ALG9: variants seen among roughly 807,000 people sequenced by gnomAD.
ALG9 encodes ALG9 alpha-1,2-mannosyltransferase, also known as alpha-1,2-mannosyltransferase ALG9.
ALG9 carries 55 observed loss-of-function variants against 81.8 expected under a neutral mutation model. The observed-to-expected ratio is 0.67, with a 90% CI of 0.54 to 0.84. The LOEUF is 0.84. Ranked by LOEUF, ALG9 falls within the 40% of genes least tolerant of loss-of-function variation. The pLI is 0.00. For missense variants in ALG9, 629 were observed against 745.0 expected (o/e 0.84, Z 1.81); for synonymous variants, 278 against 274.3 (o/e 1.01, Z -0.13).
At chr11:111,820,637 C>T (rs1435516347) in intron 13 of ALG9, among the ~76,000 whole-genome samples, 1 of 152,178 alleles carries the variant, frequency 6.6e-6, no homozygotes, top group Non-Finnish European at 1.5e-5. Context: ...AACTCAAATT[C>T]CCAATTGGTA....
chr11:111,787,951 C>T (rs1555066732), intron 14 of ALG9, among the ~76,000 whole-genome samples: 5 of 152,028 alleles, frequency 3.3e-5, no homozygotes, highest in Non-Finnish European at 7.4e-5. Context: ...TACTCTTAAC[C>T]ATTATGGTTT....
At chr11:111,809,908 T>A in intron 13 of ALG9, 135 bp from the exon 14 acceptor site, 2 of 985,634 alleles carry the variant, frequency 2.0e-6, no homozygotes, top group Non-Finnish European at 3.2e-6. Context: ...ATGTTGCCTA[T>A]GCTCTCTCCA....
intron 13 of ALG9, among the ~76,000 whole-genome samples, chr11:111,813,889 T>G (rs782741350): frequency 6.6e-6 from 1 of 152,246 alleles, no homozygotes; most frequent in Non-Finnish European, 1.5e-5. Flanking sequence ...TTTAGAAAAC[T>G]ATTTGGCAAA....
intron 13 of ALG9, among the ~76,000 whole-genome samples, chr11:111,816,475 TA>T: frequency 6.6e-6 from 1 of 152,274 alleles, no homozygotes; most frequent in Non-Finnish European, 1.5e-5. Flanking sequence ...GTCTTGAACT[TA>T]CGGCCTCAAG....
chr11:111,850,198 A>G (rs1218622599), intron 8 of ALG9, among the ~76,000 whole-genome samples: 5 of 152,188 alleles, frequency 3.3e-5, no homozygotes, highest in African/African-American at 1.2e-4. Context: ...ATCTCAAGCT[A>G]GCACCACAAC....
intron 12 of ALG9, chr11:111,836,581 T>C: frequency 5.1e-6 from 2 of 394,894 alleles, no homozygotes; most frequent in South Asian, 2.2e-5. Context: ...CCAATGCTTA[T>C]TGTCAATTAC....
intron 9 of ALG9, among the ~76,000 whole-genome samples, chr11:111,842,815 G>C (rs1555125216): frequency 3.3e-5 from 5 of 152,132 alleles, no homozygotes; most frequent in African/African-American, 1.2e-4. Context: ...AGGTAGATAT[G>C]TGCATACATT....
At position 111,786,295 on chromosome 11, in the gene ALG9, A is replaced by C. The variant is rs540183457; in HGVS notation, c.*102T>G. On this transcript the variant is annotated 3_prime_UTR_variant, in exon 15 of 15. Transcript: ENST00000616540. ...CCCAGATTCCAGTATTCATGTCAGA[A>C]GACCTTTATTACAAATGTTACAGGC... 1 of 1,557,940 alleles carries C rather than the reference A, an allele frequency of 6.4e-7. No individual in the cohort carries two copies. The highest frequency in any genetic ancestry group is 1.1e-5 in the South Asian group (1 of 89,268).
rs535811443 is a variant in ALG9, at chr11:111,820,003, C to A, written c.1603-10230G>T. ...GAATTTCTTCCCTTAGCTTCTAGCC[C>A]CTGGAGGACAATCTATTTCCTCCAT... On this transcript the variant is annotated intron_variant, in intron 13 of 14. Transcript: ENST00000616540. Among the ~76,000 whole-genome samples the A allele has an allele frequency of 3.9e-5, 6 of 152,306 alleles. No homozygotes were observed. In the South Asian group the frequency reaches 1.0e-3, roughly 26 times the overall value.
intron 13 of ALG9, among the ~76,000 whole-genome samples, chr11:111,813,157 GC>G (rs1950988527): frequency 6.6e-6 from 1 of 151,972 alleles, no homozygotes; most frequent in Non-Finnish European, 1.5e-5. Context: ...AGATGAATAG[GC>G]CTAAAAATGA....
At chr11:111,852,287 G>A (rs570371885) in intron 8 of ALG9, among the ~76,000 whole-genome samples, 8 of 152,258 alleles carry the variant, frequency 5.3e-5, no homozygotes, top group South Asian at 4.1e-4. Flanking sequence ...TGCCTCTCTC[G>A]TGAAATGTTT....
rs117195434 is a variant in ALG9, at chr11:111,824,927, T to C, written c.1602+11238A>G. 4.2e-3 allele frequency among the ~76,000 whole-genome samples: 641 copies of C among 152,320 alleles called. 2 individuals are homozygous for C. The highest frequency in any genetic ancestry group is 7.2e-3 in the Non-Finnish European group (488 of 68,016). ...AGAATTCGGAAACATCTGTGTGAAA[T>C]AGACCTATCATAGCTAAAAGAAAAG... On this transcript the variant is annotated intron_variant, in intron 13 of 14. Coordinates refer to ENST00000616540, the MANE Select transcript of ALG9 (RefSeq NM_024740.2).
chr11:111,865,098 A>G, intron 4 of ALG9, 83 bp downstream of exon 4: 2 of 1,149,884 alleles, frequency 1.7e-6, no homozygotes, highest in Non-Finnish European at 2.4e-6. Flanking sequence ...ATTTCTAATC[A>G]CTGCCTAGAC....
rs552298702 is a variant in ALG9, at chr11:111,861,345, G to C, written c.477-710C>G. Among the ~76,000 whole-genome samples the C allele has an allele frequency of 3.9e-5, 6 of 152,312 alleles. No homozygotes were observed. The South Asian group carries it at 1.2e-3, about 32-fold the overall frequency. ...AGCTCAGATTCCTTACTGCATTTCA[G>C]AGCTTCTTTCTGAAATAATTTTGCT... On this transcript the variant is annotated intron_variant, in intron 4 of 14. Transcript: ENST00000616540.
intron 2 of ALG9, 130 bp downstream of exon 2, chr11:111,870,102 G>GA: frequency 2.1e-6 from 2 of 949,712 alleles, no homozygotes; most frequent in Non-Finnish European, 2.8e-6. Context: ...CTGTTTTTTT[G>GA]TTTTTTTTTT....
chr11:111,787,748 G>A (rs1437185270), intron 14 of ALG9, among the ~76,000 whole-genome samples: 7 of 151,702 alleles, frequency 4.6e-5, no homozygotes, highest in African/African-American at 7.3e-5. Flanking sequence ...GTGAGCCACC[G>A]CACCTGGCAA....
chr11:111,779,888 A>G (rs1555056365), downstream of ALG9, among the ~76,000 whole-genome samples: 1 of 152,184 alleles, frequency 6.6e-6, no homozygotes. Flanking sequence ...CCTTGTCACT[A>G]CAATTCCATA....
chr11:111,870,270 T>C lies in ALG9; in HGVS notation c.232A>G (p.Ile78Val). The C allele has an allele frequency of 6.2e-7, 1 of 1,611,520 alleles. No individual in the cohort carries two copies. Among genetic ancestry groups the C allele is most frequent in the Non-Finnish European group, 8.5e-7 (1 of 1,179,280 alleles). The part of the protein sequence containing the change: ...ARLCAALLSN[I>V]SDCDETFNYW... ...TTGAATGTTTCATCACAGTCAGAGATGTTGCTCAGGAGAGCAGCACATAAC... is the reference window on the plus strand; with the variant it reads ...TTGAATGTTTCATCACAGTCAGAGACGTTGCTCAGGAGAGCAGCACATAAC... The change falls in exon 2 of 15, where the codon ATC (isoleucine) becomes GTC (valine). Residue 78 changes from isoleucine (I) to valine (V), a missense_variant. By Grantham distance (29) the Ile-to-Val change is conservative. This residue lies in a region of ALG9 where 344 missense variants were observed against 390.5 expected (regional missense o/e 0.88). Transcript: ENST00000616540.
At chr11:111,789,989 T>G (rs1361256236) in intron 14 of ALG9, among the ~76,000 whole-genome samples, 2 of 151,764 alleles carry the variant, frequency 1.3e-5, no homozygotes, top group Non-Finnish European at 2.9e-5. Context: ...AAAAAAAAAT[T>G]TCCTGATCAC....
Sources: allele counts gnomAD v4.1 joint callset (sites outside exome capture counted in the v4.1 genomes callset), GRCh38; gene constraint gnomAD v4.1.1; regional missense constraint gnomAD v4.1.1; transcripts MANE v1.5; gene names NCBI Gene and HGNC (gene_info 2026-07-23, HGNC 2026-07-21).